Variants in SEL1L2 observed in about 807,000 individuals in gnomAD.
The protein encoded by SEL1L2 is SEL1L2 adaptor subunit of SYVN1 ubiquitin ligase.
In SEL1L2, 89 loss-of-function variants were observed where a neutral mutation model predicts 98.8. The observed-to-expected ratio is 0.90, with a 90% CI of 0.76 to 1.07. SEL1L2 has a LOEUF of 1.07. Ranked by LOEUF, SEL1L2 falls within the 50% of genes least tolerant of loss-of-function variation. The pLI is 0.00. For synonymous variants in SEL1L2, 262 were observed against 278.5 expected (o/e 0.94, Z 0.59); for missense variants, 788 against 812.0 (o/e 0.97, Z 0.36).
At chr20:13,963,924 T>A (rs2050902439) in intron 1 of SEL1L2, among the ~76,000 whole-genome samples, 1 of 152,010 alleles carries the variant, frequency 6.6e-6, no homozygotes, top group African/African-American at 2.4e-5. Context: ...CAGGCTGGAG[T>A]GCAAAGGCAC....
intron 2 of SEL1L2, among the ~76,000 whole-genome samples, chr20:13,942,526 C>CAGGTGATTATGGG (rs1169204208): frequency 6.6e-6 from 1 of 152,122 alleles, no homozygotes; most frequent in African/African-American, 2.4e-5. Flanking sequence ...ACAAGTCCTC[C>CAGGTGATTATGGG]AGGTGATTAT....
chr20:13,850,563 C>G (rs1988083994), intron 18 of SEL1L2, among the ~76,000 whole-genome samples: 1 of 152,094 alleles, frequency 6.6e-6, no homozygotes, highest in Non-Finnish European at 1.5e-5. Flanking sequence ...ATGAGGGACT[C>G]AACTTGCCAT....
chr20:13,900,961 G>T (rs1286521096), intron 5 of SEL1L2, among the ~76,000 whole-genome samples: 1 of 151,414 alleles, frequency 6.6e-6, no homozygotes, highest in Non-Finnish European at 1.5e-5. Context: ...AAATGACTTT[G>T]TTCTCGAATT....
At chr20:13,942,142 T>C (rs756709960) in intron 2 of SEL1L2, among the ~76,000 whole-genome samples, 3 of 152,178 alleles carry the variant, frequency 2.0e-5, no homozygotes, top group Non-Finnish European at 4.4e-5. Flanking sequence ...CAGTGGTCTT[T>C]GTTTAGGTAA....
chr20:13,906,936 C>T (rs921456127), intron 5 of SEL1L2, among the ~76,000 whole-genome samples: 1 of 152,296 alleles, frequency 6.6e-6, no homozygotes, highest in African/African-American at 2.4e-5. Flanking sequence ...GCCTCAGTCT[C>T]CTGAAATGCT....
intron 10 of SEL1L2, among the ~76,000 whole-genome samples, chr20:13,884,632 CGA>C (rs2046867193): frequency 6.6e-6 from 1 of 152,048 alleles, no homozygotes; most frequent in Non-Finnish European, 1.5e-5. Flanking sequence ...CTCAGCTTCC[CGA>C]GTAGCTGAGA....
chr20:13,947,597 C>T (rs767161705), intron 2 of SEL1L2, among the ~76,000 whole-genome samples: 1 of 152,060 alleles, frequency 6.6e-6, no homozygotes, highest in Admixed American at 6.5e-5. Flanking sequence ...AGCTGTAACA[C>T]AAAAAGGGCT....
At chr20:13,888,380 T>C (rs2047052739) in intron 6 of SEL1L2, 79 bp downstream of exon 6, 7 of 929,972 alleles carry the variant, frequency 7.5e-6, no homozygotes, top group Middle Eastern at 2.4e-4. Flanking sequence ...TGAGCCCCTT[T>C]ACTTAATGAG....
intron 3 of SEL1L2, among the ~76,000 whole-genome samples, chr20:13,925,086 C>G (rs1171356723): frequency 6.6e-6 from 1 of 152,110 alleles, no homozygotes; most frequent in Non-Finnish European, 1.5e-5. Context: ...ATGCAGTGAG[C>G]AGAGATTGCA....
At chr20:13,890,456 G>A (rs188162104) in intron 5 of SEL1L2, among the ~76,000 whole-genome samples, 94 of 152,222 alleles carry the variant, frequency 6.2e-4, no homozygotes, top group African/African-American at 2.1e-3. Flanking sequence ...CAGAGAAGAT[G>A]CATCCCCAGA....
intron 1 of SEL1L2, among the ~76,000 whole-genome samples, chr20:13,980,796 T>C (rs745891278): frequency 6.6e-6 from 1 of 152,144 alleles, no homozygotes; most frequent in Non-Finnish European, 1.5e-5. Flanking sequence ...AATGAAATAT[T>C]ATTCAGCCTT....
intron 3 of SEL1L2, among the ~76,000 whole-genome samples, chr20:13,925,708 T>C (rs2048861975): frequency 6.6e-6 from 1 of 152,234 alleles, no homozygotes; most frequent in Non-Finnish European, 1.5e-5. Context: ...ACTACATACT[T>C]ACTTTTCATT....
chr20:13,925,674 T>G (rs1439071102), intron 3 of SEL1L2, among the ~76,000 whole-genome samples: 1 of 152,226 alleles, frequency 6.6e-6, no homozygotes, highest in African/African-American at 2.4e-5. Flanking sequence ...TTATCAGCTC[T>G]GACTACAACT....
chr20:13,876,166 A>G (rs1049526538), intron 11 of SEL1L2, 51 bp from the exon 12 acceptor site: 5 of 1,291,710 alleles, frequency 3.9e-6, no homozygotes, highest in Non-Finnish European at 5.6e-6. Context: ...ATTTGAGAGT[A>G]ATGCAAATAT....
At chr20:13,974,715 G>A (rs112016238) in intron 1 of SEL1L2, among the ~76,000 whole-genome samples, 3,517 of 152,046 alleles carry the variant, frequency 0.023, 54 homozygotes, top group Non-Finnish European at 0.038. Flanking sequence ...TGATCTATCC[G>A]CCTCAGCCTC....
intron 10 of SEL1L2, among the ~76,000 whole-genome samples, chr20:13,878,707 C>T (rs1414865443): frequency 6.6e-6 from 1 of 152,178 alleles, no homozygotes; most frequent in Non-Finnish European, 1.5e-5. Context: ...TCCATTCATC[C>T]ATCCAGCTCT....
chr20:13,920,551 A>G (rs1057219793), intron 3 of SEL1L2, among the ~76,000 whole-genome samples: 4 of 149,860 alleles, frequency 2.7e-5, no homozygotes, highest in Admixed American at 2.0e-4. Context: ...GCACACACAC[A>G]CTATTTTTCT....
At chr20:13,905,944 G>A (rs1444538758) in intron 5 of SEL1L2, among the ~76,000 whole-genome samples, 2 of 144,328 alleles carry the variant, frequency 1.4e-5, no homozygotes, top group African/African-American at 2.6e-5. Flanking sequence ...GTGCAGTCTC[G>A]GCTCACTGCA....
At chr20:13,871,369 T>C (rs2046185707) in intron 12 of SEL1L2, among the ~76,000 whole-genome samples, 1 of 152,182 alleles carries the variant, frequency 6.6e-6, no homozygotes, top group Admixed American at 6.5e-5. Context: ...TTCAAATATA[T>C]TGATATTTAG....
Sources: gnomAD v4.1 joint callset for allele counts (sites outside exome capture counted in the v4.1 genomes callset) on GRCh38, gnomAD v4.1.1 for gene constraint, MANE v1.5 for transcripts, NCBI Gene and HGNC (gene_info 2026-07-23, HGNC 2026-07-21) for gene names.